Variants in TXNL4A observed in about 807,000 individuals in gnomAD.
TXNL4A encodes the protein thioredoxin-like protein 4A.
Under a neutral mutation model 14.6 loss-of-function variants are expected in TXNL4A, and 17 were observed. The ratio of observed to expected loss-of-function variants is 1.16; its 90% confidence interval spans 0.80 to 1.74. The LOEUF (loss-of-function observed/expected upper bound fraction) is 1.74, where lower values mean the gene tolerates loss of function less well. Among genes scored for constraint, TXNL4A ranks in the 40% most tolerant of loss-of-function variants. The pLI, the probability that TXNL4A is intolerant of heterozygous loss-of-function variation, is 0.00. For synonymous variants in TXNL4A, 83 were observed against 70.6 expected, an observed-to-expected ratio of 1.18 and a Z score of -0.88; for missense variants, 74 against 195.2, an observed-to-expected ratio of 0.38 and a Z score of 3.70.
intron 1 of TXNL4A, among the ~76,000 whole-genome samples, chr18:80,020,606 T>C (rs572410172): frequency 6.6e-6 from 1 of 152,192 alleles, no homozygotes; most frequent in Non-Finnish European, 1.5e-5. Context: ...ACATAAAGAT[T>C]AAACGCCTTC....
chr18:80,015,100 T>C (rs1160046284), intron 1 of TXNL4A, among the ~76,000 whole-genome samples: 1 of 152,262 alleles, frequency 6.6e-6, no homozygotes, highest in South Asian at 2.1e-4. Flanking sequence ...ACAAAAACAT[T>C]TTTTCCTCCT....
At chr18:79,984,088 CTGT>C (rs1424386048) in intron 1 of TXNL4A, among the ~76,000 whole-genome samples, 1 of 152,160 alleles carries the variant, frequency 6.6e-6, no homozygotes, top group African/African-American at 2.4e-5. Flanking sequence ...AGCTACAAGG[CTGT>C]TTTTTTTCCA....
Position 79,988,229 on chromosome 18 carries a change from CG to C in TXNL4A, c.153+10del. ...GCACAGCCCGCAGAGCGGGAGAGTCCGGCGCGCTACCTTCTCGGCGATGCTG... is the reference window on the plus strand; with the variant it reads ...GCACAGCCCGCAGAGCGGGAGAGTCCGCGCGCTACCTTCTCGGCGATGCTG... On this transcript the variant is annotated intron_variant, in intron 1 of 2. Coordinates refer to ENST00000269601, the MANE Select transcript of TXNL4A (RefSeq NM_006701.5). The C allele has an allele frequency of 6.6e-7, 1 of 1,512,244 alleles. No homozygotes were observed. Among genetic ancestry groups the C allele is most frequent in the Non-Finnish European group, 9.0e-7 (1 of 1,110,522 alleles). The allele number at this position is 1,512,244 out of a possible 1,614,324, so 93.7% of individuals were successfully genotyped here.
chr18:79,982,013 G>A lies in TXNL4A; in HGVS notation c.154-4312C>T, dbSNP rs192016266. On this transcript the variant is annotated intron_variant, in intron 1 of 2. Transcript: ENST00000269601. The surrounding 1 kb of genome is among the most constrained non-coding windows in gnomAD (Gnocchi z 4.0). ...TCACGTGAGTGATGCCCAGCCGCAC[G>A]GGGAAGGGGCAGAGCTGAGATGCAC... Among the ~76,000 whole-genome samples the A allele has an allele frequency of 2.2e-4, 33 of 152,360 alleles. No homozygotes were observed. The highest frequency in any genetic ancestry group is 4.6e-4 in the African/African-American group (19 of 41,586).
Position 79,973,542 on chromosome 18 carries a change from T to C in TXNL4A, c.*143A>G. 1 of 1,034,102 alleles carries C rather than the reference T, an allele frequency of 9.7e-7. No individual in the cohort carries two copies. The highest frequency in any genetic ancestry group is 2.7e-5 in the East Asian group (1 of 36,694). The allele number at this position is 1,034,102 out of a possible 1,614,324, so 64.1% of individuals were successfully genotyped here. On this transcript the variant is annotated 3_prime_UTR_variant, in exon 3 of 3. Coordinates refer to ENST00000269601, the MANE Select transcript of TXNL4A (RefSeq NM_006701.5). Reference sequence around the variant, plus strand: ...CTCACCACGTGCTTGTTTATTTCGGTGAGTTAAGACCATGTTATCAATTCC... The same window carrying C: ...CTCACCACGTGCTTGTTTATTTCGGCGAGTTAAGACCATGTTATCAATTCC...
chr18:80,010,457 G>C (rs897009913), intron 1 of TXNL4A, among the ~76,000 whole-genome samples: 3 of 152,294 alleles, frequency 2.0e-5, no homozygotes, highest in South Asian at 4.1e-4. Context: ...AGGAGCTGAA[G>C]TGACAGCTTG....
Position 79,988,473 on chromosome 18 carries a change from C to A in TXNL4A, c.-81G>T, listed in dbSNP as rs377209904. On this transcript the variant is annotated 5_prime_UTR_variant, in exon 1 of 3. Coordinates refer to ENST00000269601, the MANE Select transcript of TXNL4A (RefSeq NM_006701.5). ...GGTGGGCTCAGCCGGCCCCTCACTC[C>A]CCGGCCCCCGCCGCCCCCGGGCCCA... 8.0e-7 allele frequency: 1 copy of A among 1,248,854 alleles called. No individual in the cohort carries two copies. 77.4% of individuals were successfully genotyped at this position (1,248,854 alleles called of 1,614,324 possible). A position where few individuals can be genotyped will look rare whatever the true frequency, so the allele number is the denominator to read the frequency against.
intron 1 of TXNL4A, among the ~76,000 whole-genome samples, chr18:80,020,391 A>G (rs1292857145): frequency 2.0e-5 from 3 of 152,182 alleles, no homozygotes; most frequent in Non-Finnish European, 2.9e-5. Flanking sequence ...CCTTTAGAGG[A>G]TAGCAGTGCT....
At chr18:79,976,365 T>A (rs4799115) in intron 2 of TXNL4A, among the ~76,000 whole-genome samples, 127,683 of 152,234 alleles carry the variant, frequency 0.84, 53,812 homozygotes, top group South Asian at 0.94. Context: ...GTGTGAAAAG[T>A]TCTCAATGTG....
chr18:79,971,537 C>T lies in TXNL4A; in HGVS notation c.*2148G>A. 6.6e-6 allele frequency: 1 copy of T among 152,200 alleles called. No homozygotes were observed. Among genetic ancestry groups the T allele is most frequent in the East Asian group, 1.9e-4 (1 of 5,188 alleles). 9.4% of individuals were successfully genotyped at this position (152,200 alleles called of 1,614,324 possible). ...TAGAGACAGGGTCTCACCAGGTTGC[C>T]CAGGCTGGTCGTGAACTCCTGGGCT... On this transcript the variant is annotated 3_prime_UTR_variant, in exon 3 of 3. Transcript: ENST00000269601.
At chr18:79,997,006 T>C (rs2051667447) in intron 1 of TXNL4A, among the ~76,000 whole-genome samples, 1 of 152,134 alleles carries the variant, frequency 6.6e-6, no homozygotes, top group Non-Finnish European at 1.5e-5. Flanking sequence ...AAGACACCAT[T>C]TTGTGACTGG....
chr18:80,028,150 C>T (rs1476232405), intron 1 of TXNL4A, among the ~76,000 whole-genome samples: 1 of 150,012 alleles, frequency 6.7e-6, no homozygotes, highest in Non-Finnish European at 1.5e-5. Flanking sequence ...GGGTACTGAT[C>T]CAGAAACATG....
intron 1 of TXNL4A, among the ~76,000 whole-genome samples, chr18:79,981,442 C>T (rs919980588): frequency 7.2e-5 from 11 of 152,302 alleles, no homozygotes; most frequent in Middle Eastern, 3.4e-3. Flanking sequence ...GAGGCTGAGG[C>T]GGGCGGATCA....
chr18:79,989,624 G>C (rs1001369128), upstream of TXNL4A, among the ~76,000 whole-genome samples: 7 of 152,274 alleles, frequency 4.6e-5, no homozygotes, highest in South Asian at 2.1e-4. Context: ...GAGACTCCCT[G>C]GTTTGCAAAC....
intron 1 of TXNL4A, among the ~76,000 whole-genome samples, chr18:80,027,547 G>A (rs2051892882): frequency 6.6e-6 from 1 of 152,144 alleles, no homozygotes; most frequent in African/African-American, 2.4e-5. Context: ...TGGAAAGAAG[G>A]GCAATATATG....
chr18:79,973,989 T>C lies in TXNL4A; in HGVS notation c.258-133A>G, dbSNP rs144286928. Reference sequence around the variant, plus strand: ...ACTGAAGAACGCATAAAATCGAGAGTGTATGCCATGATGCAGGAGAATACA... The same window carrying C: ...ACTGAAGAACGCATAAAATCGAGAGCGTATGCCATGATGCAGGAGAATACA... On this transcript the variant is annotated intron_variant, in intron 2 of 2. Coordinates refer to ENST00000269601, the MANE Select transcript of TXNL4A (RefSeq NM_006701.5). The C allele has an allele frequency of 2.3e-3, 2,822 of 1,218,180 alleles. 32 individuals are homozygous for C. In the African/African-American group the frequency reaches 0.027, roughly 12 times the overall value. The allele number at this position is 1,218,180 out of a possible 1,614,324, so 75.5% of individuals were successfully genotyped here.
At chr18:80,021,892 C>G (rs1050087579) in intron 1 of TXNL4A, among the ~76,000 whole-genome samples, 1 of 152,106 alleles carries the variant, frequency 6.6e-6, no homozygotes, top group African/African-American at 2.4e-5. Flanking sequence ...TTTCCCGTGA[C>G]TTGTCCACAC....
intron 1 of TXNL4A, among the ~76,000 whole-genome samples, chr18:79,985,449 C>T (rs1258651923): frequency 6.6e-6 from 1 of 152,092 alleles, no homozygotes; most frequent in Admixed American, 6.5e-5. Context: ...GACAAGGTTT[C>T]ACCATGTTGC....
intron 1 of TXNL4A, among the ~76,000 whole-genome samples, chr18:80,002,960 A>C (rs1425317363): frequency 2.0e-5 from 3 of 152,200 alleles, no homozygotes; most frequent in Non-Finnish European, 4.4e-5. Context: ...GGAAGATGGC[A>C]GGGAGGGAGG....
Sources: allele counts gnomAD v4.1 joint callset (sites outside exome capture counted in the v4.1 genomes callset), GRCh38; gene constraint gnomAD v4.1.1; non-coding constraint Gnocchi (gnomAD v3.1); transcripts MANE v1.5; gene names NCBI Gene and HGNC (gene_info 2026-07-23, HGNC 2026-07-21).